The following NRG2 variants were observed in gnomAD, a reference collection of about 807,000 sequenced individuals.
NRG2 encodes neuregulin 2, also known as pro-neuregulin-2, membrane-bound isoform.
NRG2 carries 27 observed loss-of-function variants against 73.9 expected under a neutral mutation model. That is an observed-to-expected ratio of 0.37 (90% confidence interval 0.27 to 0.50). The LOEUF (loss-of-function observed/expected upper bound fraction) is 0.50, where lower values mean the gene tolerates loss of function less well. NRG2 is among the 20% of genes least tolerant of loss of function. The pLI is 0.96. For missense variants in NRG2, 1,126 were observed against 1,210.1 expected, an observed-to-expected ratio of 0.93 and a Z score of 1.03; for synonymous variants, 532 against 541.0, an observed-to-expected ratio of 0.98 and a Z score of 0.23.
chr5:139,882,840 A>C (rs1763617989), intron 2 of NRG2, among the ~76,000 whole-genome samples: 1 of 152,160 alleles, frequency 6.6e-6, no homozygotes, highest in Non-Finnish European at 1.5e-5. Flanking sequence ...GATTCCCCAC[A>C]TGCAGGCATG....
At chr5:139,861,066 C>G (rs767381371) in intron 5 of NRG2, among the ~76,000 whole-genome samples, 28 of 152,236 alleles carry the variant, frequency 1.8e-4, no homozygotes, top group Admixed American at 1.3e-4. Flanking sequence ...AGCCTAGAGT[C>G]TCCGTTTCAT....
chr5:139,928,273 G>C (rs1752211100), intron 1 of NRG2, among the ~76,000 whole-genome samples: 1 of 152,168 alleles, frequency 6.6e-6, no homozygotes, highest in South Asian at 2.1e-4. Context: ...CAGGCATCCT[G>C]ATAGCCTTCT....
At chr5:139,993,462 ACATGGGAG>A (rs1354597192) in intron 1 of NRG2, among the ~76,000 whole-genome samples, 1 of 152,190 alleles carries the variant, frequency 6.6e-6, no homozygotes, top group Non-Finnish European at 1.5e-5. Flanking sequence ...CCTAATCTTT[ACATGGGAG>A]CTCGCTAGTA....
intron 1 of NRG2, among the ~76,000 whole-genome samples, chr5:139,957,147 C>T (rs973073407): frequency 6.6e-6 from 1 of 152,130 alleles, no homozygotes; most frequent in Non-Finnish European, 1.5e-5. Flanking sequence ...CATGCTCCTG[C>T]CTGCACACCT....
intron 1 of NRG2, among the ~76,000 whole-genome samples, chr5:139,981,530 C>A (rs1200892745): frequency 6.6e-6 from 1 of 152,206 alleles, no homozygotes; most frequent in East Asian, 1.9e-4. Context: ...GAAGCTAATC[C>A]AGAGAGAGTC....
chr5:139,905,248 A>AG, intron 1 of NRG2, among the ~76,000 whole-genome samples: 1 of 152,264 alleles, frequency 6.6e-6, no homozygotes, highest in Non-Finnish European at 1.5e-5. Context: ...ACCATTGGGT[A>AG]GGGGCTGCTG....
At chr5:139,899,912 C>A (rs1299816598) in intron 1 of NRG2, among the ~76,000 whole-genome samples, 1 of 152,172 alleles carries the variant, frequency 6.6e-6, no homozygotes, top group African/African-American at 2.4e-5. Context: ...CATGGTTAAT[C>A]GTGGGACTTT....
chr5:139,900,195 C>T (rs916890800), intron 1 of NRG2, among the ~76,000 whole-genome samples: 2 of 152,234 alleles, frequency 1.3e-5, no homozygotes, highest in South Asian at 2.1e-4. Flanking sequence ...CCTCTCCTCA[C>T]CAGATGTTGC....
intron 1 of NRG2, among the ~76,000 whole-genome samples, chr5:140,005,923 C>T (rs1274454599): frequency 1.3e-5 from 2 of 152,186 alleles, no homozygotes; most frequent in African/African-American, 4.8e-5. Context: ...ACGTGTGATC[C>T]TCTAAGCCTT....
At chr5:139,940,414 G>A (rs1316760793) in intron 1 of NRG2, among the ~76,000 whole-genome samples, 3 of 152,200 alleles carry the variant, frequency 2.0e-5, no homozygotes, top group South Asian at 2.1e-4. Context: ...CTTGGGGCAT[G>A]AGAAATTTTT....
At chr5:139,967,733 G>T (rs1391925964) in intron 1 of NRG2, among the ~76,000 whole-genome samples, 1 of 152,100 alleles carries the variant, frequency 6.6e-6, no homozygotes, top group Non-Finnish European at 1.5e-5. Context: ...TAGCACTCTG[G>T]GAGGCCGAGG....
At chr5:140,011,767 C>T (rs192183900) in intron 1 of NRG2, among the ~76,000 whole-genome samples, 1 of 152,206 alleles carries the variant, frequency 6.6e-6, no homozygotes, top group Admixed American at 6.5e-5. Context: ...GGACTCACAT[C>T]TGGATTTCTG....
At chr5:139,861,684 A>G in intron 5 of NRG2, 1 of 507,662 alleles carries the variant, frequency 2.0e-6, no homozygotes, top group South Asian at 1.4e-5. Context: ...CCGTAAGTAC[A>G]GTTTGTCCAC....
rs1757381106 is a variant in NRG2, at chr5:139,989,033, T to C, written c.700+53337A>G. Among the ~76,000 whole-genome samples the C allele has an allele frequency of 2.0e-5, 3 of 152,058 alleles. No homozygotes were observed. In the South Asian group the frequency reaches 6.2e-4, roughly 31 times the overall value. On this transcript the variant is annotated intron_variant, in intron 1 of 9. Transcript: ENST00000361474. ...ACATTAATTGAATTTGTTTGAAGAT[T>C]AAGGTACAAGGATGTTCATTTTAGA...
intron 1 of NRG2, among the ~76,000 whole-genome samples, chr5:139,991,789 A>G (rs559098824): frequency 3.3e-5 from 5 of 152,308 alleles, no homozygotes; most frequent in South Asian, 4.1e-4. Flanking sequence ...ATTTTTTTCC[A>G]GTTCCAAGTA....
chr5:140,013,908 C>CT (rs1759563365), intron 1 of NRG2, among the ~76,000 whole-genome samples: 1 of 152,194 alleles, frequency 6.6e-6, no homozygotes, highest in African/African-American at 2.4e-5. Flanking sequence ...TCACTAGTCA[C>CT]TTTTTCTCAG....
chr5:140,001,530 T>C (rs76494843), intron 1 of NRG2, among the ~76,000 whole-genome samples: 1,869 of 152,244 alleles, frequency 0.012, 27 homozygotes, highest in Non-Finnish European at 0.019. Flanking sequence ...TACAAATAAT[T>C]ATTGAGTACC....
rs1468776653 is a variant in NRG2 at position 139,887,781 on chromosome 5, C to A, written c.701-270G>T. ...TTTACATTAGCTTATGAAACCTTCA[C>A]AGTAACCCCATGAGCTCACAGCAAT... On this transcript the variant is annotated intron_variant, in intron 1 of 9. Transcript: ENST00000361474. This position sits in a 1 kb window ranked among gnomAD's most constrained non-coding sequence, Gnocchi z 4.5. 6.6e-6 allele frequency among the ~76,000 whole-genome samples: 1 copy of A among 152,148 alleles called. No homozygotes were observed. Among genetic ancestry groups the A allele is most frequent in the African/African-American group, 2.4e-5 (1 of 41,416 alleles).
chr5:139,853,076 C>A lies in NRG2; in HGVS notation c.1293-49G>T. On this transcript the variant is annotated intron_variant, in intron 6 of 9. Coordinates refer to ENST00000361474, the MANE Select transcript of NRG2 (RefSeq NM_004883.3). This position sits in a 1 kb window ranked among gnomAD's most constrained non-coding sequence, Gnocchi z 4.1. ...GGCTGGCATTCCCCCCACTCGCCAACGATGAACTTCCCTAGCTATCTCTCT... is the reference window on the plus strand; with the variant it reads ...GGCTGGCATTCCCCCCACTCGCCAAAGATGAACTTCCCTAGCTATCTCTCT... The A allele has an allele frequency of 1.2e-6, 2 of 1,608,494 alleles. No homozygotes were observed. The highest frequency in any genetic ancestry group is 1.7e-6 in the Non-Finnish European group (2 of 1,177,804).
Sources: gnomAD v4.1 joint callset for allele counts (sites outside exome capture counted in the v4.1 genomes callset) on GRCh38, gnomAD v4.1.1 for gene constraint, Gnocchi (gnomAD v3.1) non-coding constraint, MANE v1.5 for transcripts, NCBI Gene and HGNC (gene_info 2026-07-23, HGNC 2026-07-21) for gene names.